The following TMEM63C variants were observed in gnomAD, a reference collection of about 807,000 sequenced individuals.
The protein encoded by TMEM63C is transmembrane protein 63C.
Under a neutral mutation model 99.2 loss-of-function variants are expected in TMEM63C, and 32 were observed. The observed-to-expected ratio is 0.32, with a 90% CI of 0.24 to 0.43. The LOEUF (loss-of-function observed/expected upper bound fraction) is 0.43, where lower values mean the gene tolerates loss of function less well. Among genes scored for constraint, TMEM63C ranks in the 20% least tolerant of loss-of-function variants. The probability of loss-of-function intolerance (pLI) is 1.00; values close to 1 mark genes in which losing one functional copy is unlikely to be tolerated. For synonymous variants in TMEM63C, 376 were observed against 397.9 expected, an observed-to-expected ratio of 0.94 and a Z score of 0.66; for missense variants, 826 against 1,053.0, an observed-to-expected ratio of 0.78 and a Z score of 2.98.
At chr14:77,243,253 T>C (rs1889212595) in intron 15 of TMEM63C, among the ~76,000 whole-genome samples, 197 bp downstream of exon 15, 1 of 151,968 alleles carries the variant, frequency 6.6e-6, no homozygotes, top group African/African-American at 2.4e-5. Context: ...TGACTGCCAG[T>C]CTTAGGGACC....
intron 5 of TMEM63C, among the ~76,000 whole-genome samples, chr14:77,225,013 T>C (rs1326682559): frequency 6.6e-6 from 1 of 152,122 alleles, no homozygotes; most frequent in Non-Finnish European, 1.5e-5. Flanking sequence ...AAGTTCCCAT[T>C]GGCCAGTCAA....
Position 77,249,345 on chromosome 14 carries a change from C to A in TMEM63C, c.1925C>A (p.Ser642Tyr), listed in dbSNP as rs754513534. Residue 642 changes from serine to tyrosine, a missense_variant, in exon 21 of 24, where the codon TCC (serine) becomes TAC (tyrosine). Physicochemically the swap from Ser to Tyr is moderately radical, Grantham distance 144. Transcript: ENST00000298351. ...HLTDRYNMYY[S>Y]FAPTKLNEQI... ...ACGGATCGCTATAACATGTACTACT[C>A]CTTTGCACCCACCAAACTGAACGAG... 6.2e-7 allele frequency: 1 copy of A among 1,614,034 alleles called. No homozygotes were observed.
chr14:77,225,727 G>C (rs1888808690), intron 6 of TMEM63C, among the ~76,000 whole-genome samples: 1 of 152,136 alleles, frequency 6.6e-6, no homozygotes, highest in Non-Finnish European at 1.5e-5. Flanking sequence ...TTACTCGCGT[G>C]CTTATAGAAA....
chr14:77,232,845 C>A (rs1193438365), intron 7 of TMEM63C, among the ~76,000 whole-genome samples: 2 of 152,224 alleles, frequency 1.3e-5, no homozygotes, highest in African/African-American at 4.8e-5. Flanking sequence ...CCTGATTCCT[C>A]AGGTTTCTAC....
intron 22 of TMEM63C, among the ~76,000 whole-genome samples, chr14:77,253,048 C>T (rs1464336744): frequency 2.0e-5 from 3 of 152,232 alleles, no homozygotes; most frequent in Non-Finnish European, 4.4e-5. Flanking sequence ...CATCTTTGAA[C>T]TTCAATTCCA....
At chr14:77,253,609 G>A (rs535705936) in intron 23 of TMEM63C, among the ~76,000 whole-genome samples, 2 of 152,358 alleles carry the variant, frequency 1.3e-5, no homozygotes, top group African/African-American at 4.8e-5. Context: ...ACTCGGCATT[G>A]TCTGGAAGGC....
At chr14:77,186,322 T>A (rs115534582) in intron 1 of TMEM63C, among the ~76,000 whole-genome samples, 1 of 152,132 alleles carries the variant, frequency 6.6e-6, no homozygotes, top group Non-Finnish European at 1.5e-5. Context: ...CAGACCATGC[T>A]TTTTTGATGA....
rs769363546 is a variant in TMEM63C, at chr14:77,233,449, C to T, written c.494-3C>T. 6.2e-7 allele frequency: 1 copy of T among 1,613,100 alleles called. No homozygotes were observed. Among genetic ancestry groups the T allele is most frequent in the Non-Finnish European group, 8.5e-7 (1 of 1,179,616 alleles). ...CGAGGTCAGCAACTTCTTTCTCTTTCAGACTGGAGCAGTCACTTTGCTCGG... is the reference window on the plus strand; with the variant it reads ...CGAGGTCAGCAACTTCTTTCTCTTTTAGACTGGAGCAGTCACTTTGCTCGG... On this transcript the variant is annotated splice_polypyrimidine_tract_variant and splice_region_variant and intron_variant, in intron 7 of 23. Coordinates refer to ENST00000298351, the MANE Select transcript of TMEM63C (RefSeq NM_020431.4).
At chr14:77,236,568 G>T in intron 8 of TMEM63C, 56 bp from the exon 9 acceptor site, 1 of 1,293,324 alleles carries the variant, frequency 7.7e-7, no homozygotes. Context: ...TCTCTGTGCA[G>T]TGGGCTCTGG....
At chr14:77,238,868 G>C (rs923183725) in intron 10 of TMEM63C, 101 bp downstream of exon 10, 2 of 924,076 alleles carry the variant, frequency 2.2e-6, no homozygotes, top group African/African-American at 3.3e-5. Flanking sequence ...GGTGGGACTG[G>C]GACACCCCGG....
intron 1 of TMEM63C, among the ~76,000 whole-genome samples, chr14:77,205,821 G>A (rs1888388442): frequency 6.6e-6 from 1 of 152,188 alleles, no homozygotes; most frequent in Non-Finnish European, 1.5e-5. Flanking sequence ...GATGTCAAAA[G>A]GAGCAGGGAG....
In TMEM63C at chr14:77,249,299, T is replaced by C. The variant is rs1283420799; in HGVS notation, c.1879T>C (p.Tyr627His). Residue 627 changes from tyrosine (Y) to histidine (H), a missense_variant, in exon 21 of 24, where the codon TAC becomes CAC. Transcript: ENST00000298351. ...CCACCTTTGTCCCCCAGGGTTGCTC[T>C]ACCTGTGCATGAAGCACTTGACGGA... ...CPIIVPFGLL[Y>H]LCMKHLTDRY... 1 of 1,613,992 alleles carries C rather than the reference T, an allele frequency of 6.2e-7. No homozygotes were observed. Among genetic ancestry groups the C allele is most frequent in the African/African-American group, 1.3e-5 (1 of 75,056 alleles).
At chr14:77,219,839 G>A (rs773398933) in intron 4 of TMEM63C, among the ~76,000 whole-genome samples, 167 bp from the exon 5 acceptor site, 2 of 152,248 alleles carry the variant, frequency 1.3e-5, no homozygotes, top group Non-Finnish European at 2.9e-5. Context: ...GCACAGGGGC[G>A]ATTGCTGTCT....
chr14:77,243,207 G>A (rs1471412677), intron 15 of TMEM63C, among the ~76,000 whole-genome samples, 151 bp downstream of exon 15: 1 of 152,190 alleles, frequency 6.6e-6, no homozygotes, highest in Non-Finnish European at 1.5e-5. Flanking sequence ...AAATGGCGGG[G>A]TAGGGCTTGC....
At chr14:77,195,203 C>G (rs555364863) in intron 1 of TMEM63C, among the ~76,000 whole-genome samples, 2 of 152,286 alleles carry the variant, frequency 1.3e-5, no homozygotes, top group African/African-American at 4.8e-5. Context: ...GTGGGTTCAC[C>G]TCTCCTTGCA....
chr14:77,197,790 A>G (rs1566617014), intron 1 of TMEM63C, among the ~76,000 whole-genome samples: 1 of 152,232 alleles, frequency 6.6e-6, no homozygotes, highest in Non-Finnish European at 1.5e-5. Context: ...AGAGAAGAAT[A>G]TCATTTGCCT....
chr14:77,198,384 T>C (rs1157492255), intron 1 of TMEM63C, among the ~76,000 whole-genome samples: 3 of 152,208 alleles, frequency 2.0e-5, no homozygotes, highest in Non-Finnish European at 4.4e-5. Flanking sequence ...CAGAACAGCA[T>C]TTGAGACCAG....
rs112669880 is a variant in TMEM63C at position 77,251,504 on chromosome 14, G to C, written c.2039-285G>C. Among the ~76,000 whole-genome samples the C allele has an allele frequency of 3.1e-3, 477 of 152,354 alleles. 5 individuals carry two copies. Among genetic ancestry groups the C allele is most frequent in the African/African-American group, 0.011 (457 of 41,582 alleles). Reference sequence around the variant, plus strand: ...TCAAAGATACTTCCCAGGGACGATGGTGTTGGAGGTGACCAGCAGGTCAGG... The same window carrying C: ...TCAAAGATACTTCCCAGGGACGATGCTGTTGGAGGTGACCAGCAGGTCAGG... On this transcript the variant is annotated intron_variant, in intron 21 of 23. Coordinates refer to ENST00000298351, the MANE Select transcript of TMEM63C (RefSeq NM_020431.4).
intron 1 of TMEM63C, among the ~76,000 whole-genome samples, 178 bp from the exon 2 acceptor site, chr14:77,213,268 A>G (rs2140104461): frequency 6.6e-6 from 1 of 152,334 alleles, no homozygotes; most frequent in Non-Finnish European, 1.5e-5. Context: ...CACCATCAAG[A>G]CAATTAAAAG....
Sources: gnomAD v4.1 joint callset for allele counts (sites outside exome capture counted in the v4.1 genomes callset) on GRCh38, gnomAD v4.1.1 for gene constraint, MANE v1.5 for transcripts, NCBI Gene and HGNC (gene_info 2026-07-23, HGNC 2026-07-21) for gene names.